CHST9: variants seen among roughly 807,000 people sequenced by gnomAD.
CHST9 encodes the protein carbohydrate sulfotransferase 9, also known as GalNAc-4-sulfotransferase 2.
Under a neutral mutation model 44.4 loss-of-function variants are expected in CHST9, and 41 were observed. That is an observed-to-expected ratio of 0.92 (90% confidence interval 0.72 to 1.20). The LOEUF (loss-of-function observed/expected upper bound fraction) is 1.20, where lower values mean the gene tolerates loss of function less well. Ranked by LOEUF, CHST9 falls within the 50% of genes most tolerant of loss-of-function variation. The pLI, the probability that CHST9 is intolerant of heterozygous loss-of-function variation, is 0.00. For missense variants in CHST9, 504 were observed against 516.5 expected, an observed-to-expected ratio of 0.98 and a Z score of 0.23; for synonymous variants, 171 against 178.4, an observed-to-expected ratio of 0.96 and a Z score of 0.33.
chr18:27,097,647 A>C (rs571118151), intron 2 of CHST9, among the ~76,000 whole-genome samples: 2 of 152,072 alleles, frequency 1.3e-5, no homozygotes, highest in Non-Finnish European at 2.9e-5. Context: ...TTAGTCATGA[A>C]GTCTTTGCCC....
intron 4 of CHST9, among the ~76,000 whole-genome samples, chr18:26,971,514 T>C (rs1786626): frequency 0.34 from 52,346 of 151,966 alleles, 9,664 homozygotes; most frequent in East Asian, 0.47. Flanking sequence ...AAAGGAAAGG[T>C]TTATTCATTT....
intron 3 of CHST9, among the ~76,000 whole-genome samples, chr18:27,038,910 T>C (rs1444453934): frequency 6.6e-6 from 1 of 152,210 alleles, no homozygotes; most frequent in African/African-American, 2.4e-5. Flanking sequence ...TATCATTAAA[T>C]TAATTTCCCC....
intron 5 of CHST9, among the ~76,000 whole-genome samples, chr18:26,932,549 G>A (rs1238119572): frequency 1.3e-5 from 2 of 152,124 alleles, no homozygotes; most frequent in Non-Finnish European, 1.5e-5. Flanking sequence ...TGGATCAGGG[G>A]TGAAGGGGGG....
chr18:26,994,791 G>A (rs1198251332), intron 4 of CHST9, among the ~76,000 whole-genome samples: 2 of 152,064 alleles, frequency 1.3e-5, no homozygotes, highest in South Asian at 4.2e-4. Context: ...GTTTCACCAC[G>A]TTGCCCAGGC....
At position 26,951,657 on chromosome 18, in the gene CHST9, C is replaced by T. The variant is rs531493751; in HGVS notation, c.203-7291G>A. On this transcript the variant is annotated intron_variant, in intron 4 of 5. Transcript: ENST00000618847. ...CAAACCATAAATTTGTAGTGCCTTA[C>T]ATAAAAAGTTACAATTAAATCAACA... is the stretch of plus-strand genomic sequence containing the variant. 7.2e-5 allele frequency among the ~76,000 whole-genome samples: 11 copies of T among 152,212 alleles called. 1 individual carries two copies. The South Asian group carries it at 2.1e-3, about 29-fold the overall frequency.
At chr18:27,075,040 T>C (rs2057887382) in intron 2 of CHST9, among the ~76,000 whole-genome samples, 1 of 151,112 alleles carries the variant, frequency 6.6e-6, no homozygotes, top group Non-Finnish European at 1.5e-5. Flanking sequence ...AGCTAGGAAA[T>C]AGAGACTGTA....
At chr18:26,995,045 C>T (rs1674388306) in intron 4 of CHST9, among the ~76,000 whole-genome samples, 1 of 151,776 alleles carries the variant, frequency 6.6e-6, no homozygotes, top group Admixed American at 6.6e-5. Flanking sequence ...TCTTGGGCAA[C>T]CCTGCGGAGG....
At chr18:27,028,427 T>G (rs2057305888) in intron 3 of CHST9, among the ~76,000 whole-genome samples, 1 of 151,808 alleles carries the variant, frequency 6.6e-6, no homozygotes, top group African/African-American at 2.4e-5. Flanking sequence ...GGATCAGGAG[T>G]TTACAGGCGG....
chr18:27,125,446 C>T (rs905846286), intron 2 of CHST9, among the ~76,000 whole-genome samples: 3 of 152,126 alleles, frequency 2.0e-5, no homozygotes, highest in African/African-American at 4.8e-5. Context: ...CATTTTCTAC[C>T]AGTACTGGGC....
intron 5 of CHST9, chr18:26,925,973 A>C (rs1291090048): frequency 6.6e-6 from 1 of 152,174 alleles, no homozygotes; most frequent in Non-Finnish European, 1.5e-5. Flanking sequence ...AGTGAGAAAA[A>C]AAGAGAAGGA....
At chr18:27,144,804 A>C (rs2058598148) in intron 1 of CHST9, among the ~76,000 whole-genome samples, 1 of 152,214 alleles carries the variant, frequency 6.6e-6, no homozygotes. Flanking sequence ...AAGGAGCTCA[A>C]AAAATGACCT....
At chr18:27,036,299 C>T (rs2057389937) in intron 3 of CHST9, among the ~76,000 whole-genome samples, 1 of 152,008 alleles carries the variant, frequency 6.6e-6, no homozygotes, top group Admixed American at 6.6e-5. Flanking sequence ...ATCTCCAGTT[C>T]AGGAAAGAAA....
intron 3 of CHST9, among the ~76,000 whole-genome samples, chr18:27,041,380 T>C (rs899319835): frequency 2.0e-5 from 3 of 152,150 alleles, no homozygotes; most frequent in Non-Finnish European, 4.4e-5. Context: ...AAGAAACACA[T>C]ACATGTTGTT....
rs114963294 is a variant in CHST9 at position 27,099,257 on chromosome 18, T to C, written c.121+43432A>G. Among the ~76,000 whole-genome samples, 1,431 of 152,084 alleles carry C rather than the reference T, an allele frequency of 9.4e-3. 21 individuals carry two copies. Among genetic ancestry groups the C allele is most frequent in the African/African-American group, 0.033 (1,375 of 41,518 alleles). On this transcript the variant is annotated intron_variant, in intron 2 of 5. Transcript: ENST00000618847. ...ATCCTAGAAGAAAACTGAGGAAACA[T>C]CATTCTGGACATCAGCCATGGGAAA...
At chr18:27,045,844 T>C (rs1366108437) in intron 3 of CHST9, among the ~76,000 whole-genome samples, 1 of 152,022 alleles carries the variant, frequency 6.6e-6, no homozygotes. Context: ...GGACTCTAAA[T>C]AGAAGTCACT....
At chr18:27,072,366 C>G (rs1276208114) in intron 2 of CHST9, among the ~76,000 whole-genome samples, 1 of 151,932 alleles carries the variant, frequency 6.6e-6, no homozygotes, top group African/African-American at 2.4e-5. Context: ...TTGTCAGCAA[C>G]AATTTCATGA....
intron 2 of CHST9, among the ~76,000 whole-genome samples, chr18:27,080,703 A>T (rs568687277): frequency 1.5e-4 from 23 of 152,140 alleles, no homozygotes; most frequent in Non-Finnish European, 2.6e-4. Context: ...AACTAGGGGC[A>T]AGTAGGTCTT....
intron 4 of CHST9, among the ~76,000 whole-genome samples, chr18:26,964,553 C>T (rs2056440521): frequency 6.6e-6 from 1 of 152,236 alleles, no homozygotes; most frequent in South Asian, 2.1e-4. Context: ...TCTCAGGCAG[C>T]AGACTGTGGG....
intron 4 of CHST9, among the ~76,000 whole-genome samples, chr18:26,975,366 T>C (rs977685345): frequency 6.6e-6 from 1 of 152,022 alleles, no homozygotes; most frequent in Non-Finnish European, 1.5e-5. Context: ...TTTTAGGGTA[T>C]ACATCACCCA....
Sources: gnomAD v4.1 joint callset for allele counts (sites outside exome capture counted in the v4.1 genomes callset) on GRCh38, gnomAD v4.1.1 for gene constraint, MANE v1.5 for transcripts, NCBI Gene and HGNC (gene_info 2026-07-23, HGNC 2026-07-21) for gene names.